The following LRBA variants were observed in gnomAD, a reference collection of about 807,000 sequenced individuals.
The protein encoded by LRBA is lipopolysaccharide-responsive and beige-like anchor protein.
In LRBA, 176 loss-of-function variants were observed where a neutral mutation model predicts 330.0. The ratio of observed to expected loss-of-function variants is 0.53; its 90% CI spans 0.47 to 0.60. The LOEUF (loss-of-function observed/expected upper bound fraction) is 0.60. LRBA is among the 20% of genes least tolerant of loss of function. The pLI, the probability that LRBA is intolerant of heterozygous loss-of-function variation, is 0.00. For missense variants in LRBA, 3,259 were observed against 3,444.8 expected (o/e 0.95, Z 1.35); for synonymous variants, 1,230 against 1,193.0 (o/e 1.03, Z -0.64).
At chr4:150,558,848 T>G (rs1212640374) in intron 40 of LRBA, among the ~76,000 whole-genome samples, 1 of 152,220 alleles carries the variant, frequency 6.6e-6, no homozygotes, top group Non-Finnish European at 1.5e-5. Context: ...TACCACATGA[T>G]TTATTCTAGC....
chr4:150,351,420 T>G (rs1211708334), intron 47 of LRBA, among the ~76,000 whole-genome samples: 2 of 152,162 alleles, frequency 1.3e-5, no homozygotes, highest in African/African-American at 4.8e-5. Context: ...CCGGGCACGG[T>G]GGTTCATGCC....
At chr4:150,686,311 G>A (rs1561515268) in intron 36 of LRBA, among the ~76,000 whole-genome samples, 1 of 152,036 alleles carries the variant, frequency 6.6e-6, no homozygotes. Context: ...CTAAGAACTA[G>A]AATAACTCAT....
intron 40 of LRBA, among the ~76,000 whole-genome samples, chr4:150,525,897 T>A (rs1763419015): frequency 6.6e-6 from 1 of 152,116 alleles, no homozygotes; most frequent in South Asian, 2.1e-4. Flanking sequence ...ATCTCTTCAA[T>A]CTTGCTATTA....
At chr4:150,531,927 T>C (rs1764094751) in intron 40 of LRBA, among the ~76,000 whole-genome samples, 1 of 152,214 alleles carries the variant, frequency 6.6e-6, no homozygotes, top group African/African-American at 2.4e-5. Context: ...ATGCGTATCA[T>C]TTAAATATAA....
intron 37 of LRBA, among the ~76,000 whole-genome samples, chr4:150,600,263 T>C (rs555267741): frequency 2.6e-5 from 4 of 152,262 alleles, no homozygotes; most frequent in African/African-American, 9.6e-5. Flanking sequence ...GAATGACTAA[T>C]ACAAAATACA....
chr4:150,910,931 T>C (rs924536105), intron 9 of LRBA, among the ~76,000 whole-genome samples: 1 of 152,194 alleles, frequency 6.6e-6, no homozygotes, highest in African/African-American at 2.4e-5. Context: ...CTAAGTATTT[T>C]ATCCTTGTTG....
At chr4:150,747,940 T>G (rs994290389) in intron 35 of LRBA, among the ~76,000 whole-genome samples, 1 of 152,170 alleles carries the variant, frequency 6.6e-6, no homozygotes, top group African/African-American at 2.4e-5. Context: ...AACTAAAATC[T>G]TCACGTGGAT....
At chr4:150,463,895 T>C (rs1361909074) in intron 44 of LRBA, among the ~76,000 whole-genome samples, 2 of 151,304 alleles carry the variant, frequency 1.3e-5, no homozygotes, top group East Asian at 3.9e-4. Context: ...GTAACAAAGA[T>C]GAGGGGCAGA....
intron 36 of LRBA, among the ~76,000 whole-genome samples, chr4:150,701,762 C>T (rs1020442767): frequency 1.3e-5 from 2 of 152,132 alleles, no homozygotes; most frequent in African/African-American, 4.8e-5. Context: ...AATTGACATT[C>T]TAATACTTTG....
intron 2 of LRBA, among the ~76,000 whole-genome samples, chr4:150,950,256 C>A (rs1211188807): frequency 6.6e-6 from 1 of 152,066 alleles, no homozygotes. Flanking sequence ...CAGTCAAAGT[C>A]CACTGAACTT....
At chr4:150,444,667 G>T (rs1309469952) in intron 44 of LRBA, among the ~76,000 whole-genome samples, 1 of 152,144 alleles carries the variant, frequency 6.6e-6, no homozygotes, top group African/African-American at 2.4e-5. Flanking sequence ...AAGCACTTTT[G>T]TTGTCAAGTA....
At chr4:150,599,980 T>A (rs758946495) in intron 37 of LRBA, among the ~76,000 whole-genome samples, 51 of 152,168 alleles carry the variant, frequency 3.4e-4, no homozygotes, top group Non-Finnish European at 6.6e-4. Flanking sequence ...ATGTATTTTT[T>A]AAAAAAAGGT....
chr4:150,960,295 G>A lies in LRBA; in HGVS notation c.217-31230C>T, dbSNP rs188501408. 3.0e-4 allele frequency among the ~76,000 whole-genome samples: 45 copies of A among 148,514 alleles called. 2 individuals carry two copies. Among genetic ancestry groups the A allele is most frequent in the Admixed American group, 3.0e-3 (45 of 15,134 alleles). ...CAGCACCACCTAGAGTCTAGCCAAA[G>A]GTATGGAAGCCAAATCTTCTGGAAT... On this transcript the variant is annotated intron_variant, in intron 2 of 56. Transcript: ENST00000651943.
chr4:150,792,016 A>G, intron 34 of LRBA, among the ~76,000 whole-genome samples: 1 of 131,398 alleles, frequency 7.6e-6, no homozygotes, highest in Non-Finnish European at 1.6e-5. Flanking sequence ...GCGACAGAGC[A>G]AGGCTCCATC....
At chr4:150,444,862 T>G (rs565067136) in intron 44 of LRBA, among the ~76,000 whole-genome samples, 2 of 152,302 alleles carry the variant, frequency 1.3e-5, no homozygotes, top group African/African-American at 4.8e-5. Flanking sequence ...ACTAGTGATG[T>G]CTTCATAGTT....
chr4:150,808,514 A>G (rs1743139282), intron 31 of LRBA, 116 bp from the exon 32 acceptor site: 1 of 609,434 alleles, frequency 1.6e-6, no homozygotes, highest in East Asian at 2.8e-5. Context: ...TTTTATGTCC[A>G]TTACTATTTG....
chr4:150,816,427 T>G (rs1017322194), intron 31 of LRBA, among the ~76,000 whole-genome samples: 14 of 152,042 alleles, frequency 9.2e-5, no homozygotes, highest in Admixed American at 4.6e-4. Context: ...ATTATTCAAG[T>G]TTACCCAGTA....
intron 47 of LRBA, among the ~76,000 whole-genome samples, chr4:150,406,117 C>T (rs1329149385): frequency 1.3e-5 from 2 of 151,344 alleles, no homozygotes; most frequent in Admixed American, 6.6e-5. Flanking sequence ...AAAACAAATA[C>T]ATAGTAAAAA....
At chr4:150,391,248 G>A (rs935903831) in intron 47 of LRBA, among the ~76,000 whole-genome samples, 1 of 152,066 alleles carries the variant, frequency 6.6e-6, no homozygotes, top group South Asian at 2.1e-4. Context: ...GAAGGAACCC[G>A]GGTCCTTTGA....
Sources: gnomAD v4.1 joint callset for allele counts (sites outside exome capture counted in the v4.1 genomes callset) on GRCh38, gnomAD v4.1.1 for gene constraint, MANE v1.5 for transcripts, NCBI Gene and HGNC (gene_info 2026-07-23, HGNC 2026-07-21) for gene names.